The following MYH10 variants were observed in gnomAD, a reference collection of about 807,000 sequenced individuals.
MYH10 encodes the protein myosin-10.
MYH10 carries 55 observed loss-of-function variants against 257.8 expected under a neutral mutation model. The observed-to-expected ratio is 0.21, with a 90% confidence interval of 0.17 to 0.27. MYH10 has a LOEUF of 0.27. MYH10 is among the 10% of genes least tolerant of loss of function. MYH10 has a pLI of 1.00. For synonymous variants in MYH10, 854 were observed against 921.7 expected, an observed-to-expected ratio of 0.93 and a Z score of 1.33; for missense variants, 1,631 against 2,500.6, an observed-to-expected ratio of 0.65 and a Z score of 7.42.
chr17:8,617,075 A>C (rs1305209152), intron 2 of MYH10, among the ~76,000 whole-genome samples: 1 of 152,024 alleles, frequency 6.6e-6, no homozygotes, highest in Non-Finnish European at 1.5e-5. Flanking sequence ...AAAAAAAAGA[A>C]TCTTGCCCCA....
At chr17:8,558,723 T>C (rs2082889349) in intron 7 of MYH10, among the ~76,000 whole-genome samples, 1 of 152,260 alleles carries the variant, frequency 6.6e-6, no homozygotes, top group African/African-American at 2.4e-5. Context: ...TAGTTGAATA[T>C]ACAAAATTCT....
intron 2 of MYH10, among the ~76,000 whole-genome samples, chr17:8,614,737 G>C (rs2085187859): frequency 6.6e-6 from 1 of 152,132 alleles, no homozygotes; most frequent in South Asian, 2.1e-4. Context: ...GCAGTACTTA[G>C]AATGAAATTT....
intron 21 of MYH10, among the ~76,000 whole-genome samples, chr17:8,514,601 C>T (rs1040383007): frequency 1.3e-5 from 2 of 152,094 alleles, no homozygotes; most frequent in African/African-American, 4.8e-5. Context: ...TTCTCACTCT[C>T]CTTCAGGAAC....
chr17:8,497,103 G>A (rs1916754407), intron 30 of MYH10, among the ~76,000 whole-genome samples: 1 of 152,164 alleles, frequency 6.6e-6, no homozygotes, highest in Non-Finnish European at 1.5e-5. Context: ...GGTTTCCTCA[G>A]CACCTCAGCC....
chr17:8,618,456 C>T (rs2085347207), intron 2 of MYH10, among the ~76,000 whole-genome samples: 1 of 152,118 alleles, frequency 6.6e-6, no homozygotes, highest in Admixed American at 6.5e-5. Context: ...TCAGGCTGGT[C>T]TCGAACTCCT....
At chr17:8,550,517 G>C (rs546836030) in intron 9 of MYH10, among the ~76,000 whole-genome samples, 2 of 151,294 alleles carry the variant, frequency 1.3e-5, no homozygotes, top group African/African-American at 2.4e-5. Context: ...GGAGGGAGGT[G>C]GGGGGGACAG....
chr17:8,623,978 C>T (rs2085574729), intron 1 of MYH10, among the ~76,000 whole-genome samples: 1 of 152,146 alleles, frequency 6.6e-6, no homozygotes, highest in Admixed American at 6.5e-5. Context: ...ACCAAGACTC[C>T]TTCCCCTGCC....
chr17:8,621,321 C>T (rs1330316220), intron 2 of MYH10, among the ~76,000 whole-genome samples: 4 of 152,170 alleles, frequency 2.6e-5, no homozygotes, highest in African/African-American at 7.2e-5. Flanking sequence ...ATCCCTGTTC[C>T]TCAACATTCT....
chr17:8,486,197 C>T (rs564968666), intron 36 of MYH10, among the ~76,000 whole-genome samples: 6 of 152,212 alleles, frequency 3.9e-5, no homozygotes, highest in African/African-American at 1.4e-4. Context: ...TGGGGAGTGA[C>T]AGCTAATGGG....
At chr17:8,524,214 G>GAA (rs1281537615) in intron 17 of MYH10, among the ~76,000 whole-genome samples, 1 of 152,042 alleles carries the variant, frequency 6.6e-6, no homozygotes, top group African/African-American at 2.4e-5. Flanking sequence ...GCCGAGGCAG[G>GAA]AGGATCACTT....
rs528029680 is a variant in MYH10 at position 8,545,109 on chromosome 17, C to T, written c.1431+339G>A. Among the ~76,000 whole-genome samples, 1 of 152,332 alleles carries T rather than the reference C, an allele frequency of 6.6e-6. No homozygotes were observed. The highest frequency in any genetic ancestry group is 2.1e-4 in the South Asian group (1 of 4,830). On this transcript the variant is annotated intron_variant, in intron 13 of 42. Coordinates refer to ENST00000360416, the MANE Select transcript of MYH10 (RefSeq NM_001256012.3). The surrounding 1 kb of genome is among the most constrained non-coding windows in gnomAD (Gnocchi z 4.7). ...TTAGAACATTTGTTAAGTTCTGTCC[C>T]ATACAGGACCACTGGAATTACTCTC...
Position 8,490,155 on chromosome 17 carries a change from C to G in MYH10, c.4884+185G>C. 1 of 576,570 alleles carries G rather than the reference C, an allele frequency of 1.7e-6. No individual in the cohort carries two copies. Among genetic ancestry groups the G allele is most frequent in the Non-Finnish European group, 3.0e-6 (1 of 329,234 alleles). 35.7% of individuals were successfully genotyped at this position (576,570 alleles called of 1,614,324 possible). On this transcript the variant is annotated intron_variant, in intron 35 of 42. Transcript: ENST00000360416. This position sits in a 1 kb window ranked among gnomAD's most constrained non-coding sequence, Gnocchi z 4.1. The stretch of plus-strand genomic sequence containing the variant: ...GGAATGATACTGAGAAATAGTAAGA[C>G]CTAAACTAATTACAATAAAATTTAA...
chr17:8,551,812 T>A (rs550743714), intron 9 of MYH10, among the ~76,000 whole-genome samples: 8 of 152,272 alleles, frequency 5.3e-5, no homozygotes, highest in Admixed American at 1.3e-4. Context: ...TAAAAAATTT[T>A]AAAAAAGAAA....
chr17:8,475,028 G>C lies in MYH10; in HGVS notation c.*776C>G, dbSNP rs1000859843. ...GTGAGGAGGGCGCCGGCAGAGCCAGGCGGTTCGGGAGACCATCTGGAAGTC... is the reference window on the plus strand; with the variant it reads ...GTGAGGAGGGCGCCGGCAGAGCCAGCCGGTTCGGGAGACCATCTGGAAGTC... On this transcript the variant is annotated 3_prime_UTR_variant, in exon 43 of 43. Coordinates refer to ENST00000360416, the MANE Select transcript of MYH10 (RefSeq NM_001256012.3). The C allele has an allele frequency of 6.6e-6, 1 of 152,472 alleles. No individual in the cohort carries two copies. The highest frequency in any genetic ancestry group is 1.5e-5 in the Non-Finnish European group (1 of 68,142). 9.4% of individuals were successfully genotyped at this position (152,472 alleles called of 1,614,324 possible). A position where few individuals can be genotyped will look rare whatever the true frequency, so the allele number is the denominator to read the frequency against.
Position 8,481,338 on chromosome 17 carries a change from T to G in MYH10, c.5248A>C (p.Asn1750His). The G allele has an allele frequency of 3.7e-6, 6 of 1,613,972 alleles. No individual in the cohort carries two copies. Among genetic ancestry groups the G allele is most frequent in the Non-Finnish European group, 5.1e-6 (6 of 1,180,006 alleles). The change falls in exon 38 of 43, where the codon AAC becomes CAC. Residue 1750 changes from asparagine (N) to histidine (H), a missense_variant. Asn to His is a moderately conservative substitution (Grantham distance 68). Around this residue, in one of 11 missense-constraint regions of MYH10, gnomAD observed 343 missense variants for 389.5 expected, o/e 0.88. Transcript: ENST00000360416. The part of the protein sequence containing the change: ...ERDELADEIT[N>H]SASGKSALLD... ...GAGACTCACTTGCCAGAGGCGCTGT[T>G]GGTGATCTCGTCCGCCAGCTCATCT... is the stretch of plus-strand genomic sequence containing the variant.
chr17:8,559,305 T>G (rs2082908820), intron 7 of MYH10, among the ~76,000 whole-genome samples: 1 of 152,208 alleles, frequency 6.6e-6, no homozygotes, highest in Non-Finnish European at 1.5e-5. Flanking sequence ...AATTGAAAAC[T>G]TCTGATTTTT....
At chr17:8,592,242 C>T (rs1219892301) in intron 3 of MYH10, among the ~76,000 whole-genome samples, 1 of 151,408 alleles carries the variant, frequency 6.6e-6, no homozygotes, top group Non-Finnish European at 1.5e-5. Flanking sequence ...GGGCTCTTAC[C>T]TAAATAAAAA....
chr17:8,622,071 C>T (rs973182722), intron 2 of MYH10, among the ~76,000 whole-genome samples: 2 of 152,162 alleles, frequency 1.3e-5, no homozygotes, highest in Non-Finnish European at 2.9e-5. Flanking sequence ...CAGTAGCACA[C>T]TCCTTGTGTA....
chr17:8,608,095 TTGTACCATGGAA>T (rs2084880891), intron 2 of MYH10, among the ~76,000 whole-genome samples: 1 of 152,144 alleles, frequency 6.6e-6, no homozygotes, highest in Admixed American at 6.5e-5. Flanking sequence ...CAAAAATAGT[TTGTACCATGGAA>T]TGTGAGCGAC....
Sources: allele counts gnomAD v4.1 joint callset (sites outside exome capture counted in the v4.1 genomes callset), GRCh38; gene constraint gnomAD v4.1.1; regional missense constraint gnomAD v4.1.1; non-coding constraint Gnocchi (gnomAD v3.1); transcripts MANE v1.5; gene names NCBI Gene and HGNC (gene_info 2026-07-23, HGNC 2026-07-21).